The following ZNF10 variants were observed in gnomAD, a reference collection of about 807,000 sequenced individuals.
ZNF10 encodes the protein zinc finger protein 10 (KOX 1).
In ZNF10, 8 loss-of-function variants were observed where a neutral mutation model predicts 12.2. That is an observed-to-expected ratio of 0.66 (90% CI 0.39 to 1.18). The LOEUF (loss-of-function observed/expected upper bound fraction) is 1.18. Among genes scored for constraint, ZNF10 ranks in the 50% most tolerant of loss-of-function variants. ZNF10 has a pLI of 0.01. For missense variants in ZNF10, 603 were observed against 678.9 expected (o/e 0.89, Z 1.24); for synonymous variants, 229 against 228.2 (o/e 1.00, Z -0.03).
At chr12:133,136,333 T>C (rs1265694612) in intron 1 of ZNF10, among the ~76,000 whole-genome samples, 1 of 152,238 alleles carries the variant, frequency 6.6e-6, no homozygotes, top group Non-Finnish European at 1.5e-5. Flanking sequence ...TTGTGGAATT[T>C]GTCTGCTGTT....
At chr12:133,133,949 G>T (rs1487486244) in intron 1 of ZNF10, among the ~76,000 whole-genome samples, 4 of 152,100 alleles carry the variant, frequency 2.6e-5, no homozygotes. Flanking sequence ...GATGGGGAGA[G>T]ATTATCCTGG....
chr12:133,157,151 C>T lies in ZNF10; in HGVS notation c.*183C>T, dbSNP rs1156953731. On this transcript the variant is annotated 3_prime_UTR_variant, in exon 5 of 5. Transcript: ENST00000248211. ...CAGATTTTATTTCAGTACACAAATCCATCAGATTTTCTTCTTTTCATGAAT... is the reference window on the plus strand; with the variant it reads ...CAGATTTTATTTCAGTACACAAATCTATCAGATTTTCTTCTTTTCATGAAT... 1 of 495,262 alleles carries T rather than the reference C, an allele frequency of 2.0e-6. No homozygotes were observed. Among genetic ancestry groups the T allele is most frequent in the Non-Finnish European group, 3.1e-6 (1 of 317,534 alleles). The allele number at this position is 495,262 out of a possible 1,614,324, so 30.7% of individuals were successfully genotyped here.
At position 133,155,846 on chromosome 12, in the gene ZNF10, T is replaced by C; in HGVS notation, c.600T>C (p.Val200=). ...SHTKSLKHDL[V]LNGHQDSCAS... Reference sequence around the variant, plus strand: ...CTAAAAGTTTAAAACATGATTTAGTTCTTAATGGTCATCAGGACAGTTGTG... The same window carrying C: ...CTAAAAGTTTAAAACATGATTTAGTCCTTAATGGTCATCAGGACAGTTGTG... The change falls in exon 5 of 5, where the codon GTT becomes GTC. Residue 200 remains valine (V), a synonymous_variant. Coordinates refer to ENST00000248211, the MANE Select transcript of ZNF10 (RefSeq NM_015394.5). 6.2e-7 allele frequency: 1 copy of C among 1,613,552 alleles called. No homozygotes were observed. Among genetic ancestry groups the C allele is most frequent in the East Asian group, 2.2e-5 (1 of 44,880 alleles).
At chr12:133,145,645 C>A (rs886117452) in intron 2 of ZNF10, among the ~76,000 whole-genome samples, 3 of 128,752 alleles carry the variant, frequency 2.3e-5, no homozygotes. Context: ...CCTGTCTCTA[C>A]TGAAAATACA....
At chr12:133,152,930 T>C (rs1956017350) in intron 4 of ZNF10, among the ~76,000 whole-genome samples, 1 of 152,186 alleles carries the variant, frequency 6.6e-6, no homozygotes, top group Non-Finnish European at 1.5e-5. Flanking sequence ...CTTTGAAATA[T>C]TATCATAAGC....
intron 1 of ZNF10, chr12:133,144,207 GTGGAACTC>G (rs2135460720): frequency 3.7e-6 from 1 of 266,946 alleles, no homozygotes; most frequent in Admixed American, 4.9e-5. Flanking sequence ...CAAATGTGGT[GTGGAACTC>G]CAGAGATTAA....
chr12:133,146,712 G>T (rs1357865530), intron 2 of ZNF10, among the ~76,000 whole-genome samples: 2 of 152,042 alleles, frequency 1.3e-5, no homozygotes, highest in Non-Finnish European at 2.9e-5. Context: ...TGGGCACAGT[G>T]GCGGGCGCCT....
intron 4 of ZNF10, 58 bp from the exon 5 acceptor site, chr12:133,155,445 C>A (rs1956033159): frequency 2.0e-6 from 3 of 1,504,040 alleles, no homozygotes; most frequent in Admixed American, 2.3e-5. Context: ...CACATACATC[C>A]TAGCATTCTC....
Position 133,155,986 on chromosome 12 carries a change from T to A in ZNF10, c.740T>A (p.Leu247His). 6.2e-7 allele frequency: 1 copy of A among 1,614,016 alleles called. No homozygotes were observed. The highest frequency in any genetic ancestry group is 8.5e-7 in the Non-Finnish European group (1 of 1,180,016). Residue 247 changes from leucine to histidine, a missense_variant, in exon 5 of 5, where the codon CTT (leucine) becomes CAT (histidine). Physicochemically the swap from Leu to His is moderately conservative, Grantham distance 99. Around this residue, in one of 3 missense-constraint regions of ZNF10, gnomAD observed 393 missense variants for 399.7 expected, o/e 0.98. Transcript: ENST00000248211. ...AAATGCCCTGATAATGACAACTCTC[T>A]TACTCATGGTTCATCTCTTGGTATA... ...SYKCPDNDNS[L>H]THGSSLGISK...
Position 133,158,603 on chromosome 12 carries a change from C to T in ZNF10, c.*1635C>T, listed in dbSNP as rs914318679. 3 of 152,190 alleles carry T rather than the reference C, an allele frequency of 2.0e-5. No homozygotes were observed. Among genetic ancestry groups the T allele is most frequent in the Non-Finnish European group, 4.4e-5 (3 of 68,036 alleles). The allele number at this position is 152,190 out of a possible 1,614,324, so 9.4% of individuals were successfully genotyped here. A position where few individuals can be genotyped will look rare whatever the true frequency, so the allele number is the denominator to read the frequency against. On this transcript the variant is annotated 3_prime_UTR_variant, in exon 5 of 5. Transcript: ENST00000248211. ...GGAAGAGGATCTATTTTAATTTTCT[C>T]TTTCATTCTATAAATCAGTCTGTTG...
chr12:133,155,708 A>G lies in ZNF10; in HGVS notation c.462A>G (p.Gln154=). The change falls in exon 5 of 5, where the codon CAA becomes CAG. Residue 154 remains glutamine (Q), a synonymous_variant. Transcript: ENST00000248211. ...ERHLRQVAFT[Q]KKVLTQERVS... is the part of the protein sequence containing the mutation. Reference sequence around the variant, plus strand: ...ATTTGAGGCAAGTGGCATTCACCCAAAAGAAAGTACTTACTCAGGAGAGAG... The same window carrying G: ...ATTTGAGGCAAGTGGCATTCACCCAGAAGAAAGTACTTACTCAGGAGAGAG... The G allele has an allele frequency of 1.2e-6, 2 of 1,611,664 alleles. No homozygotes were observed. The highest frequency in any genetic ancestry group is 1.7e-6 in the Non-Finnish European group (2 of 1,179,214).
chr12:133,136,160 C>T (rs1010098125), intron 1 of ZNF10, among the ~76,000 whole-genome samples: 3 of 152,122 alleles, frequency 2.0e-5, no homozygotes, highest in Non-Finnish European at 4.4e-5. Context: ...AGCCTGATGC[C>T]TTCATCAGAG....
At chr12:133,141,618 T>C (rs900549548) in intron 1 of ZNF10, among the ~76,000 whole-genome samples, 1 of 151,980 alleles carries the variant, frequency 6.6e-6, no homozygotes, top group Non-Finnish European at 1.5e-5. Context: ...CTTGAAGGCA[T>C]AGCAGTAAAA....
intron 2 of ZNF10, among the ~76,000 whole-genome samples, chr12:133,145,664 CAAG>C (rs1955971254): frequency 3.8e-5 from 1 of 26,004 alleles, no homozygotes; most frequent in African/African-American, 3.1e-4. Context: ...CAAAAATAAG[CAAG>C]CCAGGCGTGG....
chr12:133,137,941 T>A (rs1383980385), intron 1 of ZNF10, among the ~76,000 whole-genome samples: 1 of 152,162 alleles, frequency 6.6e-6, no homozygotes, highest in Non-Finnish European at 1.5e-5. Flanking sequence ...TTGTGATGGA[T>A]CTGATTACCT....
chr12:133,141,675 TGAAAA>T (rs139075719), intron 1 of ZNF10, among the ~76,000 whole-genome samples: 1,597 of 150,748 alleles, frequency 0.011, 28 homozygotes, highest in African/African-American at 0.037. Context: ...AGAAAAAAAA[TGAAAA>T]GAACTTGAGT....
chr12:133,132,921 A>ACACATACCCATCTGTCCCTCTTTTTAT (rs1265146535), intron 1 of ZNF10, among the ~76,000 whole-genome samples: 1 of 152,210 alleles, frequency 6.6e-6, no homozygotes, highest in African/African-American at 2.4e-5. Flanking sequence ...CCTAATTTTA[A>ACACATACCCATCTGTCCCTCTTTTTAT]CACATACCCA....
chr12:133,138,991 A>G (rs567363499), intron 1 of ZNF10, among the ~76,000 whole-genome samples: 1 of 152,356 alleles, frequency 6.6e-6, no homozygotes, highest in East Asian at 1.9e-4. Context: ...TAATTTCCTG[A>G]AATAGTATGG....
intron 2 of ZNF10, among the ~76,000 whole-genome samples, chr12:133,145,875 G>C (rs1264476133): frequency 7.1e-6 from 1 of 139,898 alleles, no homozygotes; most frequent in Non-Finnish European, 1.5e-5. Context: ...TTTGACCACA[G>C]GTTCGCCTGA....
Sources: gnomAD v4.1 joint callset for allele counts (sites outside exome capture counted in the v4.1 genomes callset) on GRCh38, gnomAD v4.1.1 for gene constraint, gnomAD v4.1.1 regional missense constraint, MANE v1.5 for transcripts, NCBI Gene and HGNC (gene_info 2026-07-23, HGNC 2026-07-21) for gene names.